Variants in PRDM7 observed in about 807,000 individuals in gnomAD.
PRDM7 encodes PR/SET domain 7.
PRDM7 carries 52 observed loss-of-function variants against 64.3 expected under a neutral mutation model. The observed-to-expected ratio is 0.81, with a 90% CI of 0.65 to 1.02. The LOEUF (loss-of-function observed/expected upper bound fraction) is 1.02. PRDM7 is among the 50% of genes least tolerant of loss of function. PRDM7 has a pLI of 0.00. For missense variants in PRDM7, 574 were observed against 597.1 expected, an observed-to-expected ratio of 0.96 and a Z score of 0.40; for synonymous variants, 192 against 210.1, an observed-to-expected ratio of 0.91 and a Z score of 0.74.
intron 5 of PRDM7, among the ~76,000 whole-genome samples, chr16:90,064,477 G>A (rs1243234542): frequency 6.6e-6 from 1 of 152,150 alleles, no homozygotes; most frequent in Non-Finnish European, 1.5e-5. Flanking sequence ...GCAGTGGCAT[G>A]ATTTCAGCTC....
chr16:90,069,270 C>T (rs1187362460), intron 4 of PRDM7, among the ~76,000 whole-genome samples: 5 of 151,266 alleles, frequency 3.3e-5, no homozygotes, highest in African/African-American at 1.2e-4. Context: ...AAAGGACAGT[C>T]TGCAAGAAAT....
In PRDM7 at chr16:90,058,120, C is replaced by T; in HGVS notation, c.*169G>A. 6.2e-7 allele frequency: 1 copy of T among 1,614,172 alleles called. No individual in the cohort carries two copies. Among genetic ancestry groups the T allele is most frequent in the Admixed American group, 1.7e-5 (1 of 60,014 alleles). ...CTCTCCATATTTGACTTTCGCAATT[C>T]TTGAGATTCCTACCCCCACAAATAA... is the stretch of plus-strand genomic sequence containing the variant. On this transcript the variant is annotated 3_prime_UTR_variant, in exon 11 of 11. Transcript: ENST00000449207.
At chr16:90,067,130 T>C (rs1404280861) in intron 4 of PRDM7, among the ~76,000 whole-genome samples, 2 of 151,060 alleles carry the variant, frequency 1.3e-5, no homozygotes, top group Non-Finnish European at 2.9e-5. Flanking sequence ...CACACCCAGC[T>C]AATTTTTGCA....
Position 90,056,895 on chromosome 16 carries a change from G to C in PRDM7, c.*1394C>G, listed in dbSNP as rs896088905. On this transcript the variant is annotated 3_prime_UTR_variant, in exon 11 of 11. Coordinates refer to ENST00000449207, the MANE Select transcript of PRDM7 (RefSeq NM_001098173.2). ...GGCCTGGTTTCGGGTCTGGTTCCTT[G>C]GTTTCAGGTCTGGTTCCTAGGCGCC... is the stretch of plus-strand genomic sequence containing the variant. 6.6e-6 allele frequency: 1 copy of C among 152,244 alleles called. No individual in the cohort carries two copies. Among genetic ancestry groups the C allele is most frequent in the Non-Finnish European group, 1.5e-5 (1 of 68,080 alleles). 9.4% of individuals were successfully genotyped at this position (152,244 alleles called of 1,614,324 possible). A position where few individuals can be genotyped will look rare whatever the true frequency, so the allele number is the denominator to read the frequency against.
chr16:90,058,219 G>A lies in PRDM7; in HGVS notation c.*70C>T, dbSNP rs751013102. Reference sequence around the variant, plus strand: ...TTCCATCATTCTTTCTCCCACTCTAGAGCTCCCCATTTGTCCTTTGGGTGG... The same window carrying A: ...TTCCATCATTCTTTCTCCCACTCTAAAGCTCCCCATTTGTCCTTTGGGTGG... On this transcript the variant is annotated 3_prime_UTR_variant, in exon 11 of 11. Coordinates refer to ENST00000449207, the MANE Select transcript of PRDM7 (RefSeq NM_001098173.2). 19 of 1,613,984 alleles carry A rather than the reference G, an allele frequency of 1.2e-5. No homozygotes were observed. Among genetic ancestry groups the A allele is most frequent in the Non-Finnish European group, 1.6e-5 (19 of 1,180,020 alleles).
chr16:90,076,051 A>C (rs7500106), intron 1 of PRDM7, 56 bp from the exon 2 acceptor site: 123,745 of 954,320 alleles, frequency 0.13, 15,142 homozygotes, highest in East Asian at 0.64. Flanking sequence ...TACCCAGAAC[A>C]AGGCTCTGTC....
At position 90,056,970 on chromosome 16, in the gene PRDM7, C is replaced by T. The variant is rs562238870; in HGVS notation, c.*1319G>A. ...TCTTTTTCCTTTTCTGAGTATAAAA[C>T]AATATAAAACAGTATGAGAGGGTCT... On this transcript the variant is annotated 3_prime_UTR_variant, in exon 11 of 11. Coordinates refer to ENST00000449207, the MANE Select transcript of PRDM7 (RefSeq NM_001098173.2). 1.3e-5 allele frequency: 2 copies of T among 152,206 alleles called. No individual in the cohort carries two copies. Among genetic ancestry groups the T allele is most frequent in the East Asian group, 3.9e-4 (2 of 5,174 alleles). 9.4% of individuals were successfully genotyped at this position (152,206 alleles called of 1,614,324 possible). A position where few individuals can be genotyped will look rare whatever the true frequency, so the allele number is the denominator to read the frequency against.
Position 90,058,109 on chromosome 16 carries a change from C to T in PRDM7, c.*180G>A. ...CCTTGCCCACACTCTCCATATTTGA[C>T]TTTCGCAATTCTTGAGATTCCTACC... On this transcript the variant is annotated 3_prime_UTR_variant, in exon 11 of 11. Coordinates refer to ENST00000449207, the MANE Select transcript of PRDM7 (RefSeq NM_001098173.2). 2 of 1,614,130 alleles carry T rather than the reference C, an allele frequency of 1.2e-6. No homozygotes were observed. Among genetic ancestry groups the T allele is most frequent in the Non-Finnish European group, 1.7e-6 (2 of 1,179,966 alleles).
intron 10 of PRDM7, among the ~76,000 whole-genome samples, chr16:90,059,229 G>A (rs901967486): frequency 7.9e-5 from 12 of 152,176 alleles, no homozygotes; most frequent in Admixed American, 5.9e-4. Context: ...GTCCTGCTGC[G>A]CCAACTAGGT....
In PRDM7 at chr16:90,061,923, G is replaced by C; in HGVS notation, c.880C>G (p.Leu294Val). The C allele has an allele frequency of 1.2e-6, 2 of 1,614,262 alleles. No homozygotes were observed. The highest frequency in any genetic ancestry group is 4.5e-5 in the East Asian group (2 of 44,890). Residue 294 changes from leucine to valine, a missense_variant and splice_region_variant, in exon 8 of 11, where the codon CTA becomes GTA. Leu to Val is a conservative substitution (Grantham distance 32, BLOSUM62 1). Coordinates refer to ENST00000449207, the MANE Select transcript of PRDM7 (RefSeq NM_001098173.2). ...GGGAAACAGCAGGCTCTTCTTACTAGCCAGGAATATCCACTGTTGGCTGCC... is the reference window on the plus strand; with the variant it reads ...GGGAAACAGCAGGCTCTTCTTACTACCCAGGAATATCCACTGTTGGCTGCC... ...EEAANSGYSW[L>V]ITKGRNCYEY...
At chr16:90,066,562 T>A (rs1461197961) in intron 5 of PRDM7, among the ~76,000 whole-genome samples, 4 of 151,194 alleles carry the variant, frequency 2.6e-5, no homozygotes, top group Admixed American at 6.6e-5. Context: ...GTAAAATGGC[T>A]ATAGTTATAG....
rs187103491 is a variant in PRDM7, at chr16:90,057,337, C to A, written c.*952G>T. ...TCTTTCCTGCTGCGACTCTGTAAAA[C>A]CCTACATTTCTCTTCCTGGACTTGG... On this transcript the variant is annotated 3_prime_UTR_variant, in exon 11 of 11. Coordinates refer to ENST00000449207, the MANE Select transcript of PRDM7 (RefSeq NM_001098173.2). 103 of 155,620 alleles carry A rather than the reference C, an allele frequency of 6.6e-4. No homozygotes were observed. The East Asian group carries it at 0.016, about 24-fold the overall frequency. 9.6% of individuals were successfully genotyped at this position (155,620 alleles called of 1,614,324 possible).
At chr16:90,070,917 T>C (rs2037947081) in intron 4 of PRDM7, among the ~76,000 whole-genome samples, 1 of 152,180 alleles carries the variant, frequency 6.6e-6, no homozygotes, top group African/African-American at 2.4e-5. Context: ...AAGAAGCATA[T>C]GAAAATATGC....
rs763479425 is a variant in PRDM7, at chr16:90,075,383, A to C, written c.161T>G (p.Val54Gly). Residue 54 changes from valine to glycine, a missense_variant, in exon 3 of 11, where the codon GTG becomes GGG. Transcript: ENST00000449207. This position sits in a 1 kb window ranked among gnomAD's most constrained non-coding sequence, Gnocchi z 4.3. Reference sequence around the variant, plus strand: ...AATCAGTGCATTATAGTTCATTTTCACATTCCTATAGCGAGTTTTCTCCCA... The same window carrying C: ...AATCAGTGCATTATAGTTCATTTTCCCATTCCTATAGCGAGTTTTCTCCCA... ...GDWEKTRYRN[V>G]KMNYNALITV... 69 of 1,614,100 alleles carry C rather than the reference A, an allele frequency of 4.3e-5. No homozygotes were observed. Among genetic ancestry groups the C allele is most frequent in the Admixed American group, 8.3e-5 (5 of 60,010 alleles).
At chr16:90,063,521 T>C in intron 6 of PRDM7, 91 bp downstream of exon 6, 4 of 1,440,674 alleles carry the variant, frequency 2.8e-6, no homozygotes, top group Non-Finnish European at 3.9e-6. Flanking sequence ...AGCCCAGGCC[T>C]ATCCAAAGTC....
intron 8 of PRDM7, 105 bp downstream of exon 8, chr16:90,061,816 C>G (rs2077426): frequency 0.62 from 951,818 of 1,537,474 alleles, 305,922 homozygotes; most frequent in Middle Eastern, 0.72. Context: ...CAGAGCTAAC[C>G]ATGTTATCCC....
Position 90,075,541 on chromosome 16 carries a change from C to A in PRDM7, c.70-67G>T, listed in dbSNP as rs139786206. On this transcript the variant is annotated intron_variant, in intron 2 of 10. Coordinates refer to ENST00000449207, the MANE Select transcript of PRDM7 (RefSeq NM_001098173.2). The surrounding 1 kb of genome is among the most constrained non-coding windows in gnomAD (Gnocchi z 4.3). ...CATCGAGCTGGTCCTTTTCCTCTAC[C>A]CTGCGTGTAGGGCATAGCCTGGGGC... The A allele has an allele frequency of 9.5e-5, 153 of 1,612,350 alleles. No homozygotes were observed. In the African/African-American group the frequency reaches 1.8e-3, roughly 19 times the overall value.
chr16:90,074,448 AC>A (rs949172547), intron 4 of PRDM7, among the ~76,000 whole-genome samples: 6 of 151,820 alleles, frequency 4.0e-5, no homozygotes, highest in African/African-American at 1.4e-4. Context: ...AAAGTGGTGC[AC>A]ATCTGCAGTC....
Position 90,075,841 on chromosome 16 carries a change from C to A in PRDM7, c.69+1G>T. ...CTGGCTTCGCCTCCCCGACTTCTCACCATGGGCTTCCGCTCTGTTCTCTCT... is the reference window on the plus strand; with the variant it reads ...CTGGCTTCGCCTCCCCGACTTCTCAACATGGGCTTCCGCTCTGTTCTCTCT... On this transcript the variant is annotated splice_donor_variant, in intron 2 of 10. Coordinates refer to ENST00000449207, the MANE Select transcript of PRDM7 (RefSeq NM_001098173.2). LOFTEE classifies it high-confidence loss of function. The surrounding 1 kb of genome is among the most constrained non-coding windows in gnomAD (Gnocchi z 4.3). 1 of 1,613,814 alleles carries A rather than the reference C, an allele frequency of 6.2e-7. No homozygotes were observed. Among genetic ancestry groups the A allele is most frequent in the Non-Finnish European group, 8.5e-7 (1 of 1,179,878 alleles).
Sources: gnomAD v4.1 joint callset for allele counts (sites outside exome capture counted in the v4.1 genomes callset) on GRCh38, gnomAD v4.1.1 for gene constraint, Gnocchi (gnomAD v3.1) non-coding constraint, MANE v1.5 for transcripts, NCBI Gene and HGNC (gene_info 2026-07-23, HGNC 2026-07-21) for gene names.